Variants in PCDHA2 observed in about 807,000 individuals in gnomAD.
PCDHA2 encodes protocadherin alpha 2, also known as protocadherin alpha-2.
A neutral mutation model predicts 66.0 loss-of-function variants in PCDHA2; 58 were observed. The observed-to-expected ratio is 0.88, with a 90% CI of 0.71 to 1.09. The LOEUF is 1.09. PCDHA2 is among the 50% of genes least tolerant of loss of function. The probability of loss-of-function intolerance (pLI) is 0.00; values close to 1 mark genes in which losing one functional copy is unlikely to be tolerated. For synonymous variants in PCDHA2, 634 were observed against 554.0 expected, an observed-to-expected ratio of 1.14 and a Z score of -2.03; for missense variants, 1,267 against 1,242.3, an observed-to-expected ratio of 1.02 and a Z score of -0.30.
chr5:140,801,993 G>A (rs1554121819), intron 1 of PCDHA2: 2 of 1,614,042 alleles, frequency 1.2e-6, no homozygotes, highest in Non-Finnish European at 1.7e-6. Flanking sequence ...GACCGTTAAC[G>A]CCACCGATTT....
At chr5:140,943,515 G>C (rs2093511975) in intron 1 of PCDHA2, among the ~76,000 whole-genome samples, 1 of 152,100 alleles carries the variant, frequency 6.6e-6, no homozygotes, top group African/African-American at 2.4e-5. Context: ...TGGAAATGTT[G>C]AGTTCAGTAT....
intron 1 of PCDHA2, chr5:140,824,439 T>C (rs1488626108): frequency 1.0e-5 from 5 of 480,500 alleles, no homozygotes; most frequent in Admixed American, 3.9e-5. Flanking sequence ...AAGTTTCAGT[T>C]TATGACTACA....
chr5:140,822,251 T>C, intron 1 of PCDHA2: 1 of 1,614,236 alleles, frequency 6.2e-7, no homozygotes, highest in Non-Finnish European at 8.5e-7. Flanking sequence ...GCGTCGGATT[T>C]GGATATTGGA....
chr5:141,000,304 G>A (rs1225893261), intron 3 of PCDHA2, among the ~76,000 whole-genome samples: 1 of 147,530 alleles, frequency 6.8e-6, no homozygotes, highest in Non-Finnish European at 1.5e-5. Context: ...GAGGCCAGGA[G>A]TTCAAGACCA....
At chr5:140,946,152 G>T (rs1279401608) in intron 1 of PCDHA2, among the ~76,000 whole-genome samples, 1 of 151,750 alleles carries the variant, frequency 6.6e-6, no homozygotes, top group Non-Finnish European at 1.5e-5. Flanking sequence ...CAAATAACAC[G>T]ATTTAAAAGA....
chr5:140,941,245 TTCTTTCTTTC>T (rs1379125224), intron 1 of PCDHA2, among the ~76,000 whole-genome samples: 44 of 140,720 alleles, frequency 3.1e-4, no homozygotes, highest in Middle Eastern at 3.3e-3. Context: ...CTTTCTTTCT[TTCTTTCTTTC>T]TCTTTCTTTC....
intron 1 of PCDHA2, chr5:140,968,575 G>C: frequency 6.2e-7 from 1 of 1,614,134 alleles, no homozygotes; most frequent in Non-Finnish European, 8.5e-7. Context: ...CTGGCTACCT[G>C]GTCACCAAAG....
At chr5:140,838,084 G>A (rs1419465245) in intron 1 of PCDHA2, among the ~76,000 whole-genome samples, 2 of 31,492 alleles carry the variant, frequency 6.4e-5, no homozygotes, top group East Asian at 1.1e-3. Context: ...TATAGTGTGT[G>A]TGTGTGTGTG....
intron 1 of PCDHA2, chr5:140,877,731 G>A (rs2153355415): frequency 1.2e-6 from 2 of 1,614,176 alleles, no homozygotes; most frequent in Non-Finnish European, 1.7e-6. Context: ...ACTCGCAGCA[G>A]AGGAGGCAGA....
intron 1 of PCDHA2, among the ~76,000 whole-genome samples, chr5:140,963,448 A>G (rs567394961): frequency 1.3e-5 from 2 of 152,370 alleles, no homozygotes; most frequent in Non-Finnish European, 2.9e-5. Flanking sequence ...CTCTGTTGCT[A>G]AAGTATTTCT....
intron 1 of PCDHA2, chr5:140,843,887 A>G: frequency 1.4e-6 from 1 of 705,148 alleles, no homozygotes. Context: ...ATAATACAGT[A>G]TTAATCATTC....
At chr5:140,996,947 T>C (rs1224598113) in intron 3 of PCDHA2, among the ~76,000 whole-genome samples, 2 of 152,176 alleles carry the variant, frequency 1.3e-5, no homozygotes, top group Non-Finnish European at 2.9e-5. Context: ...CATAGAAATA[T>C]TTATTTCCCT....
intron 1 of PCDHA2, chr5:140,822,221 C>A (rs2150114637): frequency 6.2e-7 from 1 of 1,614,218 alleles, no homozygotes; most frequent in Non-Finnish European, 8.5e-7. Context: ...ATGCCAGATT[C>A]GCGGTTTCCG....
rs782355791 is a variant in PCDHA2, at chr5:140,982,576, G to A, written c.2536+13G>A. The A allele has an allele frequency of 5.6e-6, 9 of 1,613,152 alleles. No homozygotes were observed. In the Admixed American group the frequency reaches 6.7e-5, roughly 12 times the overall value. ...AGTGCAACACCAGGTAAAGAGCTGG[G>A]GTCTCTCCATTCTTTCTTGGTTTCT... On this transcript the variant is annotated intron_variant, in intron 3 of 3. Transcript: ENST00000526136.
chr5:140,890,594 T>A (rs1439050160), intron 1 of PCDHA2, among the ~76,000 whole-genome samples: 1 of 152,150 alleles, frequency 6.6e-6, no homozygotes, highest in East Asian at 1.9e-4. Context: ...GAAGCCCTTT[T>A]CCGAATAGCT....
chr5:140,836,076 C>G (rs1387042597), intron 1 of PCDHA2: 1 of 1,613,592 alleles, frequency 6.2e-7, no homozygotes, highest in Admixed American at 1.7e-5. Context: ...CGCGCCGGCA[C>G]TGCTGGCGCC....
At position 141,011,260 on chromosome 5, in the gene PCDHA2, C is replaced by T. The variant is rs2098420018; in HGVS notation, c.*1323C>T. On this transcript the variant is annotated 3_prime_UTR_variant, in exon 4 of 4. Coordinates refer to ENST00000526136, the MANE Select transcript of PCDHA2 (RefSeq NM_018905.3). ...TGACTTGTCTTGGTGTGCTAGCCTA[C>T]ACCTTCTCTTTGGTTTAGTTTTCCT... The T allele has an allele frequency of 6.5e-6, 1 of 153,766 alleles. No individual in the cohort carries two copies. The highest frequency in any genetic ancestry group is 6.5e-5 in the Admixed American group (1 of 15,278). 9.5% of individuals were successfully genotyped at this position (153,766 alleles called of 1,614,324 possible).
At chr5:140,949,144 T>C (rs2094347159) in intron 1 of PCDHA2, among the ~76,000 whole-genome samples, 1 of 151,806 alleles carries the variant, frequency 6.6e-6, no homozygotes, top group Non-Finnish European at 1.5e-5. Context: ...TTGTTGCTTT[T>C]GATTTCTAAT....
intron 1 of PCDHA2, among the ~76,000 whole-genome samples, chr5:140,940,983 C>T (rs572659107): frequency 6.6e-6 from 1 of 152,176 alleles, no homozygotes; most frequent in Non-Finnish European, 1.5e-5. Context: ...TATCTAGTTA[C>T]AAGTTTATAG....
Sources: gnomAD v4.1 joint callset for allele counts (sites outside exome capture counted in the v4.1 genomes callset) on GRCh38, gnomAD v4.1.1 for gene constraint, MANE v1.5 for transcripts, NCBI Gene and HGNC (gene_info 2026-07-23, HGNC 2026-07-21) for gene names.